Variants in FLYWCH1 observed in about 807,000 individuals in gnomAD.
FLYWCH1 encodes FLYWCH-type zinc finger 1.
Under a neutral mutation model 66.4 loss-of-function variants are expected in FLYWCH1, and 75 were observed. The observed-to-expected ratio is 1.13, with a 90% CI of 0.94 to 1.37. The LOEUF is 1.37. FLYWCH1 is among the 40% of genes most tolerant of loss of function. FLYWCH1 has a pLI of 0.00. For missense variants in FLYWCH1, 1,334 were observed against 1,001.8 expected (o/e 1.33, Z -4.48); for synonymous variants, 595 against 429.9 (o/e 1.38, Z -4.75).
At chr16:2,924,190 C>T (rs899991784) in intron 2 of FLYWCH1, among the ~76,000 whole-genome samples, 3 of 151,988 alleles carry the variant, frequency 2.0e-5, no homozygotes, top group East Asian at 1.9e-4. Context: ...ATTAGCCGGG[C>T]GTGGTGGCGG....
At position 2,933,381 on chromosome 16, in the gene FLYWCH1, A is replaced by G. The variant is rs1336029382; in HGVS notation, c.1048A>G (p.Thr350Ala). Residue 350 changes from threonine (T) to alanine (A), a missense_variant, in exon 5 of 10, where the codon ACG becomes GCG. Physicochemically the swap from Thr to Ala is moderately conservative, Grantham distance 58. Transcript: ENST00000253928. ...ARRQQEKAVE[T>A]LQAGQDGPGS... ...GCGGCAGCAGGAGAAGGCCGTGGAG[A>G]CGCTGCAGGCTGGGCAGGACGGCCC... 6.2e-7 allele frequency: 1 copy of G among 1,602,792 alleles called. No homozygotes were observed.
At chr16:2,932,195 T>G (rs2070787284) in intron 4 of FLYWCH1, among the ~76,000 whole-genome samples, 1 of 147,072 alleles carries the variant, frequency 6.8e-6, no homozygotes, top group Admixed American at 6.9e-5. Flanking sequence ...GCAGAATTGC[T>G]TGGAGGCGGA....
At chr16:2,916,263 C>G (rs2070163763) in intron 2 of FLYWCH1, among the ~76,000 whole-genome samples, 1 of 152,088 alleles carries the variant, frequency 6.6e-6, no homozygotes, top group African/African-American at 2.4e-5. Context: ...GATAATTAAC[C>G]TAGGAGGCAG....
At chr16:2,940,335 C>T (rs1332916062) in intron 9 of FLYWCH1, among the ~76,000 whole-genome samples, 1 of 152,204 alleles carries the variant, frequency 6.6e-6, no homozygotes, top group Non-Finnish European at 1.5e-5. Flanking sequence ...CCCACTTGAG[C>T]ATCCTTCACA....
intron 2 of FLYWCH1, chr16:2,923,000 G>T: frequency 4.1e-6 from 2 of 488,884 alleles, no homozygotes; most frequent in Non-Finnish European, 4.0e-6. Context: ...GGCGGGTGAC[G>T]CGCGGATCTT....
rs58279573 is a variant in FLYWCH1 at position 2,946,316 on chromosome 16, CTTTTTTTTTT to C, written c.2112-2358_2112-2349del. Among the ~76,000 whole-genome samples, 4 of 75,532 alleles carry C rather than the reference CTTTTTTTTTT, an allele frequency of 5.3e-5. 1 individual carries two copies. Among genetic ancestry groups the C allele is most frequent in the African/African-American group, 1.1e-4 (2 of 17,440 alleles). The allele number at this position is 75,532 out of a possible 152,430, so 49.6% of individuals were successfully genotyped here. On this transcript the variant is annotated intron_variant, in intron 9 of 9. Transcript: ENST00000253928. ...TCATGCCCTGTATAGGTGGGCTGTA[CTTTTTTTTTT>C]TTTTTTTTTTTTTGAGATGGAGTCT...
At chr16:2,946,250 C>T (rs971041423) in intron 9 of FLYWCH1, among the ~76,000 whole-genome samples, 5 of 151,744 alleles carry the variant, frequency 3.3e-5, no homozygotes, top group Admixed American at 6.6e-5. Context: ...TTCACTCACC[C>T]ACCCACAGCA....
At chr16:2,918,093 C>T (rs1397542257) in intron 2 of FLYWCH1, among the ~76,000 whole-genome samples, 1 of 151,332 alleles carries the variant, frequency 6.6e-6, no homozygotes, top group Non-Finnish European at 1.5e-5. Flanking sequence ...CCCACCTCGG[C>T]CTCCCAAAGT....
chr16:2,930,541 C>T lies in FLYWCH1; in HGVS notation c.457C>T (p.Leu153=). The part of the protein sequence containing the change: ...VYWKCRQHAE[L]GCRGRAITRG... ...CTGGAAGTGCCGCCAACATGCTGAG[C>T]TGGGCTGCCGGGGCCGGGCCATCAC... is the stretch of plus-strand genomic sequence containing the variant. The change falls in exon 4 of 10, where the codon CTG becomes TTG. Residue 153 remains leucine, a synonymous_variant. Transcript: ENST00000253928. The T allele has an allele frequency of 6.5e-7, 1 of 1,549,610 alleles. No individual in the cohort carries two copies. Among genetic ancestry groups the T allele is most frequent in the East Asian group, 2.4e-5 (1 of 41,894 alleles).
chr16:2,930,564 C>A lies in FLYWCH1; in HGVS notation c.480C>A (p.Ile160=). The part of the protein sequence containing the change: ...HAELGCRGRA[I]TRGLRATVMR... ...AGCTGGGCTGCCGGGGCCGGGCCAT[C>A]ACCCGAGGCCTGCGGGCCACAGTGA... Residue 160 remains isoleucine, a synonymous_variant, in exon 4 of 10, where the codon ATC becomes ATA. Transcript: ENST00000253928. 1.3e-6 allele frequency: 2 copies of A among 1,553,118 alleles called. No homozygotes were observed. The highest frequency in any genetic ancestry group is 2.4e-5 in the East Asian group (1 of 41,638).
At chr16:2,942,855 C>A (rs1055317362) in intron 9 of FLYWCH1, among the ~76,000 whole-genome samples, 1 of 151,278 alleles carries the variant, frequency 6.6e-6, no homozygotes, top group Non-Finnish European at 1.5e-5. Flanking sequence ...GTGCGCACCA[C>A]CACGCTCAGC....
intron 2 of FLYWCH1, chr16:2,923,224 C>A: frequency 3.1e-6 from 1 of 321,616 alleles, no homozygotes; most frequent in Non-Finnish European, 6.0e-6. Flanking sequence ...TCGCTTTCAG[C>A]GCCATCTTGT....
rs1335409152 is a variant in FLYWCH1 at position 2,948,786 on chromosome 16, G to C, written c.*59G>C. 1 of 1,495,806 alleles carries C rather than the reference G, an allele frequency of 6.7e-7. No homozygotes were observed. Among genetic ancestry groups the C allele is most frequent in the Non-Finnish European group, 9.3e-7 (1 of 1,074,178 alleles). 92.7% of individuals were successfully genotyped at this position (1,495,806 alleles called of 1,614,324 possible). A position where few individuals can be genotyped will look rare whatever the true frequency, so the allele number is the denominator to read the frequency against. On this transcript the variant is annotated 3_prime_UTR_variant, in exon 10 of 10. Transcript: ENST00000253928. ...CCCAAGGTGGCTTCACATCCACACA[G>C]GCACTTCCCATCCACCTAGGTTTGG... is the stretch of plus-strand genomic sequence containing the variant.
Position 2,913,569 on chromosome 16 carries a change from G to A in FLYWCH1, c.-187-607G>A, listed in dbSNP as rs574669268. Reference sequence around the variant, plus strand: ...CAGTGGGATCTGGCAGGTAGAGACCGGGGTTGCTGCTGAACACCCCACGCT... The same window carrying A: ...CAGTGGGATCTGGCAGGTAGAGACCAGGGTTGCTGCTGAACACCCCACGCT... On this transcript the variant is annotated intron_variant, in intron 1 of 9. Coordinates refer to ENST00000253928, the MANE Select transcript of FLYWCH1 (RefSeq NM_001308068.2). 1.5e-4 allele frequency among the ~76,000 whole-genome samples: 23 copies of A among 152,272 alleles called. No individual in the cohort carries two copies. In the East Asian group the frequency reaches 3.3e-3, roughly 22 times the overall value.
chr16:2,942,407 C>T (rs1463650104), intron 9 of FLYWCH1, among the ~76,000 whole-genome samples: 1 of 152,122 alleles, frequency 6.6e-6, no homozygotes, highest in African/African-American at 2.4e-5. Context: ...CTTGGCCTCC[C>T]AAAGTGCTGG....
chr16:2,930,071 C>G (rs1177234663), intron 3 of FLYWCH1, 61 bp downstream of exon 3: 1 of 1,369,210 alleles, frequency 7.3e-7, no homozygotes, highest in Non-Finnish European at 1.0e-6. Flanking sequence ...TCCCAGCAGG[C>G]CCTGTACACC....
rs559539321 is a variant in FLYWCH1, at chr16:2,921,883, G to A, written c.-74+7594G>A. 1.6e-3 allele frequency among the ~76,000 whole-genome samples: 236 copies of A among 151,490 alleles called. 2 individuals are homozygous for A. Among genetic ancestry groups the A allele is most frequent in the Non-Finnish European group, 2.9e-3 (198 of 67,830 alleles). Reference sequence around the variant, plus strand: ...TCGAGACCATCCTGGCCAATATGGTGAAACCCCATCTCTACTAAAAAATAC... The same window carrying A: ...TCGAGACCATCCTGGCCAATATGGTAAAACCCCATCTCTACTAAAAAATAC... On this transcript the variant is annotated intron_variant, in intron 2 of 9. Coordinates refer to ENST00000253928, the MANE Select transcript of FLYWCH1 (RefSeq NM_001308068.2).
chr16:2,938,659 C>A (rs530888822), intron 8 of FLYWCH1, among the ~76,000 whole-genome samples: 2 of 142,094 alleles, frequency 1.4e-5, no homozygotes, highest in Admixed American at 1.5e-4. Flanking sequence ...GTTGCCCAGG[C>A]TGGAGTGCAC....
intron 2 of FLYWCH1, among the ~76,000 whole-genome samples, chr16:2,920,753 C>T (rs1026394314): frequency 4.6e-5 from 7 of 150,554 alleles, no homozygotes; most frequent in Non-Finnish European, 7.4e-5. Flanking sequence ...GTTGGTCGGG[C>T]TGGTCTCAAA....
Sources: allele counts gnomAD v4.1 joint callset (sites outside exome capture counted in the v4.1 genomes callset), GRCh38; gene constraint gnomAD v4.1.1; transcripts MANE v1.5; gene names NCBI Gene and HGNC (gene_info 2026-07-23, HGNC 2026-07-21).